RABEP2: variants seen among roughly 807,000 people sequenced by gnomAD.
RABEP2 encodes rabaptin, RAB GTPase binding effector protein 2, also known as rab GTPase-binding effector protein 2.
Under a neutral mutation model 74.1 loss-of-function variants are expected in RABEP2, and 57 were observed. The observed-to-expected ratio is 0.77, with a 90% CI of 0.62 to 0.96. The LOEUF (loss-of-function observed/expected upper bound fraction) is 0.96, where lower values mean the gene tolerates loss of function less well. Among genes scored for constraint, RABEP2 ranks in the 40% least tolerant of loss-of-function variants. The probability of loss-of-function intolerance (pLI) is 0.00; values close to 1 mark genes in which losing one functional copy is unlikely to be tolerated. For missense variants in RABEP2, 692 were observed against 756.3 expected (o/e 0.91, Z 1.00); for synonymous variants, 351 against 344.0 (o/e 1.02, Z -0.23).
At chr16:28,914,867 C>T (rs1964367817) in intron 3 of RABEP2, 85 bp from the exon 4 acceptor site, 3 of 1,141,274 alleles carry the variant, frequency 2.6e-6, no homozygotes, top group East Asian at 2.4e-5. Context: ...TCTCCAAGCA[C>T]ATCAGCTCTC....
intron 6 of RABEP2, 32 bp downstream of exon 6, chr16:28,911,048 AGGCC>A (rs79978529): frequency 0.031 from 49,485 of 1,610,772 alleles, 874 homozygotes; most frequent in Non-Finnish European, 0.038. Context: ...AGGTAGCCAG[AGGCC>A]GGCTGGGGCT....
In RABEP2 at chr16:28,906,151, G is replaced by C. The variant is rs866094609; in HGVS notation, c.1291C>G (p.Arg431Gly). 3.2e-6 allele frequency: 5 copies of C among 1,587,118 alleles called. No individual in the cohort carries two copies. The highest frequency in any genetic ancestry group is 1.9e-4 in the Middle Eastern group (1 of 5,146). The change falls in exon 9 of 13, where the codon CGG becomes GGG. Residue 431 changes from arginine to glycine, a missense_variant. Physicochemically the swap from Arg to Gly is moderately radical, Grantham distance 125. Transcript: ENST00000358201. ...LCCTRQEARA[R>G]LQAQEHGAER... ...GCCCCGTGCTCCTGGGCCTGCAGCC[G>C]GGCCCTCGCCTCTTGCCGCGTGCAG...
chr16:28,921,540 G>A (rs1304389222), intron 2 of RABEP2, among the ~76,000 whole-genome samples: 1 of 152,006 alleles, frequency 6.6e-6, no homozygotes, highest in Non-Finnish European at 1.5e-5. Flanking sequence ...AGAGACACTG[G>A]AAAGGAGGCA....
chr16:28,906,397 C>G (rs1964232819), intron 8 of RABEP2, among the ~76,000 whole-genome samples: 1 of 152,358 alleles, frequency 6.6e-6, no homozygotes, highest in East Asian at 1.9e-4. Context: ...AAGCTCAGGA[C>G]ACACGACCAT....
Position 28,914,531 on chromosome 16 carries a change from G to A in RABEP2, c.599C>T (p.Ser200Phe), listed in dbSNP as rs776070926. Reference protein sequence around the residue: ...LHGSTELLPLSRDPSPPLEPL... With the variant: ...LHGSTELLPLFRDPSPPLEPL... ...CTCCAGCGGGGGCGATGGATCCCGG[G>A]ACAGGGGCAGCAACTCCGTGGAGCC... The change falls in exon 5 of 13, where the codon TCC (serine) becomes TTC (phenylalanine). Residue 200 changes from serine to phenylalanine, a missense_variant. Physicochemically the swap from Ser to Phe is radical, Grantham distance 155. Coordinates refer to ENST00000358201, the MANE Select transcript of RABEP2 (RefSeq NM_024816.3). The A allele has an allele frequency of 1.2e-6, 2 of 1,612,624 alleles. No individual in the cohort carries two copies. Among genetic ancestry groups the A allele is most frequent in the Non-Finnish European group, 1.7e-6 (2 of 1,179,308 alleles).
intron 8 of RABEP2, among the ~76,000 whole-genome samples, chr16:28,906,719 C>T (rs1964239647): frequency 7.2e-5 from 11 of 152,000 alleles, no homozygotes; most frequent in South Asian, 6.2e-4. Context: ...GAGCCGAGAT[C>T]GCGCCACTGC....
chr16:28,919,090 C>G (rs536949757), intron 3 of RABEP2, among the ~76,000 whole-genome samples: 1 of 152,346 alleles, frequency 6.6e-6, no homozygotes, highest in African/African-American at 2.4e-5. Context: ...TCTAACAGAC[C>G]TCCCTTACAG....
chr16:28,922,907 T>C (rs958176730), intron 2 of RABEP2, among the ~76,000 whole-genome samples: 1 of 148,530 alleles, frequency 6.7e-6, no homozygotes, highest in Non-Finnish European at 1.5e-5. Context: ...AAAAAAAAAA[T>C]AGGTTCAGCT....
At chr16:28,915,724 T>C (rs763976978) in intron 3 of RABEP2, among the ~76,000 whole-genome samples, 1 of 151,704 alleles carries the variant, frequency 6.6e-6, no homozygotes, top group Non-Finnish European at 1.5e-5. Context: ...TTTGTATTTT[T>C]AGTAGAGACA....
At chr16:28,915,614 G>A (rs1964381623) in intron 3 of RABEP2, among the ~76,000 whole-genome samples, 2 of 151,914 alleles carry the variant, frequency 1.3e-5, no homozygotes, top group South Asian at 2.1e-4. Flanking sequence ...GCATAATCTC[G>A]GCTCACTGCA....
At chr16:28,921,006 G>A (rs546541403) in intron 2 of RABEP2, 2 of 358,614 alleles carry the variant, frequency 5.6e-6, no homozygotes, top group East Asian at 1.5e-4. Flanking sequence ...TGGGACTACA[G>A]GCACAAACTA....
chr16:28,914,324 G>A lies in RABEP2; in HGVS notation c.806C>T (p.Thr269Met), dbSNP rs749141797. 1.3e-5 allele frequency: 21 copies of A among 1,613,288 alleles called. No individual in the cohort carries two copies. Among genetic ancestry groups the A allele is most frequent in the East Asian group, 1.1e-4 (5 of 44,882 alleles). ...GATGCCCTCGGGAACCAGGGTGCCC[G>A]TAGACACCAGCGAGGCCGTCTCTTC... ...EQEETASLVS[T>M]GTLVPEGIYL... The change falls in exon 5 of 13, where the codon ACG (threonine) becomes ATG (methionine). Residue 269 changes from threonine (T) to methionine (M), a missense_variant. By Grantham distance (81) the Thr-to-Met change is moderately conservative. Coordinates refer to ENST00000358201, the MANE Select transcript of RABEP2 (RefSeq NM_024816.3).
chr16:28,907,165 T>G (rs949088137), intron 8 of RABEP2, among the ~76,000 whole-genome samples: 2 of 147,344 alleles, frequency 1.4e-5, no homozygotes, highest in African/African-American at 5.0e-5. Flanking sequence ...TGCCTTTGTT[T>G]TTTTTTTTTT....
intron 3 of RABEP2, among the ~76,000 whole-genome samples, chr16:28,918,155 C>T (rs957239547): frequency 7.0e-6 from 1 of 143,130 alleles, no homozygotes; most frequent in Non-Finnish European, 1.5e-5. Flanking sequence ...TCTCGGCTCA[C>T]TGCAAGCTCC....
chr16:28,912,406 C>CTT (rs58094012), intron 5 of RABEP2, among the ~76,000 whole-genome samples: 9 of 118,150 alleles, frequency 7.6e-5, no homozygotes, highest in East Asian at 2.3e-4. Context: ...TTCTTTCTTT[C>CTT]TTTTTTTTTT....
At chr16:28,918,142 C>T (rs1964420801) in intron 3 of RABEP2, among the ~76,000 whole-genome samples, 1 of 136,752 alleles carries the variant, frequency 7.3e-6, no homozygotes, top group Admixed American at 8.1e-5. Flanking sequence ...TGCAGTGGCG[C>T]AATCTCGGCT....
chr16:28,904,657 A>G lies in RABEP2; in HGVS notation c.*286T>C. 2 of 757,356 alleles carry G rather than the reference A, an allele frequency of 2.6e-6. No homozygotes were observed. Among genetic ancestry groups the G allele is most frequent in the Non-Finnish European group, 4.0e-6 (2 of 504,682 alleles). 46.9% of individuals were successfully genotyped at this position (757,356 alleles called of 1,614,324 possible). On this transcript the variant is annotated 3_prime_UTR_variant, in exon 13 of 13. Transcript: ENST00000358201. ...CGGGCTGGGGGCAGGGGAGGGCTGG[A>G]GCCCAGGAGGCAGCACAGCAGCCAG...
Position 28,919,955 on chromosome 16 carries a change from G to C in RABEP2, c.275-12C>G, listed in dbSNP as rs1157529401. Reference sequence around the variant, plus strand: ...GCTGCTGATGGAGTCTGGTGGGGGAGAGGGAGGGTGGGAGAGAGGGAGGGT... The same window carrying C: ...GCTGCTGATGGAGTCTGGTGGGGGACAGGGAGGGTGGGAGAGAGGGAGGGT... On this transcript the variant is annotated splice_polypyrimidine_tract_variant and intron_variant, in intron 2 of 12. Coordinates refer to ENST00000358201, the MANE Select transcript of RABEP2 (RefSeq NM_024816.3). 1.9e-6 allele frequency: 3 copies of C among 1,562,942 alleles called. No individual in the cohort carries two copies. The East Asian group carries it at 6.9e-5, about 36-fold the overall frequency.
chr16:28,924,644 C>G lies in RABEP2; in HGVS notation c.62-29G>C, dbSNP rs192626716. The G allele has an allele frequency of 5.3e-5, 85 of 1,590,042 alleles. 1 individual carries two copies. The South Asian group carries it at 9.4e-4, about 18-fold the overall frequency. On this transcript the variant is annotated intron_variant, in intron 1 of 12. Transcript: ENST00000358201. ...TGGGGGACAGGGATCAGCCTCTCTT[C>G]CCATCTCTTACCCCAGGCCACCTAC...
Sources: allele counts gnomAD v4.1 joint callset (sites outside exome capture counted in the v4.1 genomes callset), GRCh38; gene constraint gnomAD v4.1.1; transcripts MANE v1.5; gene names NCBI Gene and HGNC (gene_info 2026-07-23, HGNC 2026-07-21).